C10orf90: variants seen among roughly 807,000 people sequenced by gnomAD.
C10orf90 encodes the protein (E2-independent) E3 ubiquitin-conjugating enzyme FATS.
C10orf90 carries 56 observed loss-of-function variants against 62.5 expected under a neutral mutation model. The ratio of observed to expected loss-of-function variants is 0.90; its 90% CI spans 0.72 to 1.12. C10orf90 has a LOEUF of 1.12. Ranked by LOEUF, C10orf90 falls within the 50% of genes most tolerant of loss-of-function variation. C10orf90 has a pLI of 0.00. For synonymous variants in C10orf90, 386 were observed against 340.4 expected (o/e 1.13, Z -1.47); for missense variants, 970 against 880.4 (o/e 1.10, Z -1.29).
At chr10:126,583,985 T>C (rs1430609781) in intron 2 of C10orf90, among the ~76,000 whole-genome samples, 1 of 152,000 alleles carries the variant, frequency 6.6e-6, no homozygotes, top group Non-Finnish European at 1.5e-5. Context: ...CAGGGCATGG[T>C]GACTCATGCC....
In C10orf90 at chr10:126,666,439, G is replaced by A. The variant is rs114133657; in HGVS notation, c.240+3802C>T. ...TGCAAAGAAGCATGACCCATAATCA[G>A]GAGGAAAATCAATCACTAGAAATGA... On this transcript the variant is annotated intron_variant, in intron 1 of 9. Coordinates refer to ENST00000488181, the MANE Select transcript of C10orf90 (RefSeq NM_001350921.2). 3.9e-3 allele frequency among the ~76,000 whole-genome samples: 597 copies of A among 152,196 alleles called. 3 individuals are homozygous for A. Among genetic ancestry groups the A allele is most frequent in the African/African-American group, 0.014 (567 of 41,518 alleles).
rs531106675 is a variant in C10orf90, at chr10:126,429,936, G to A, written c.2189-86C>T. On this transcript the variant is annotated intron_variant, in intron 7 of 9. Coordinates refer to ENST00000488181, the MANE Select transcript of C10orf90 (RefSeq NM_001350921.2). ...AAACATTGTGATTAGTTCATAATCC[G>A]TTAATTGATCCTTATTCTAAGCCAT... 2.0e-4 allele frequency: 229 copies of A among 1,166,178 alleles called. 2 individuals carry two copies. The highest frequency in any genetic ancestry group is 1.5e-3 in the South Asian group (117 of 78,088). 72.2% of individuals were successfully genotyped at this position (1,166,178 alleles called of 1,614,324 possible).
At chr10:126,437,597 C>T (rs1408798965) in intron 7 of C10orf90, among the ~76,000 whole-genome samples, 16 of 152,154 alleles carry the variant, frequency 1.1e-4, no homozygotes, top group Admixed American at 1.0e-3. Context: ...GTTAAATTTG[C>T]CTTTCAGATC....
At chr10:126,581,788 C>A (rs1292873162) in intron 2 of C10orf90, among the ~76,000 whole-genome samples, 1 of 152,160 alleles carries the variant, frequency 6.6e-6, no homozygotes, top group Non-Finnish European at 1.5e-5. Flanking sequence ...TGTTTCCCAG[C>A]AGACTTTGCT....
intron 4 of C10orf90, among the ~76,000 whole-genome samples, chr10:126,493,873 T>C (rs187017809): frequency 6.6e-6 from 1 of 152,318 alleles, no homozygotes; most frequent in East Asian, 1.9e-4. Flanking sequence ...GCGTAAATTC[T>C]CCCTGATGTC....
In C10orf90 at chr10:126,425,518, A is replaced by C. The variant is rs1036245373; in HGVS notation, c.*346T>G. The C allele has an allele frequency of 3.2e-6, 1 of 309,440 alleles. No individual in the cohort carries two copies. The highest frequency in any genetic ancestry group is 4.6e-5 in the Admixed American group (1 of 21,836). The allele number at this position is 309,440 out of a possible 1,614,324, so 19.2% of individuals were successfully genotyped here. ...TAAAAGATTCCCCAGGGATGTAAAC[A>C]AACTTGCTTGTATCAGGCCTCTCTG... On this transcript the variant is annotated 3_prime_UTR_variant, in exon 10 of 10. Coordinates refer to ENST00000488181, the MANE Select transcript of C10orf90 (RefSeq NM_001350921.2).
intron 4 of C10orf90, among the ~76,000 whole-genome samples, chr10:126,487,142 C>CAAAAAAAAAA (rs1158481155): frequency 1.4e-3 from 41 of 29,438 alleles, no homozygotes; most frequent in African/African-American, 2.6e-3. Flanking sequence ...AAAACTCTGT[C>CAAAAAAAAAA]AAAAAAAAAA....
chr10:126,663,054 G>A (rs1346501570), intron 1 of C10orf90, among the ~76,000 whole-genome samples: 1 of 152,174 alleles, frequency 6.6e-6, no homozygotes, highest in Non-Finnish European at 1.5e-5. Context: ...GCCAGCCCAG[G>A]TGTTTCCTCT....
intron 1 of C10orf90, among the ~76,000 whole-genome samples, chr10:126,654,539 C>T (rs949761167): frequency 6.6e-6 from 1 of 152,316 alleles, no homozygotes; most frequent in Non-Finnish European, 1.5e-5. Context: ...GATTGATCTG[C>T]TATCCAGACC....
intron 2 of C10orf90, among the ~76,000 whole-genome samples, chr10:126,633,071 G>C (rs555411043): frequency 1.3e-5 from 2 of 152,282 alleles, no homozygotes; most frequent in South Asian, 4.1e-4. Flanking sequence ...CTGACAAAAT[G>C]GCACTTCTGG....
At chr10:126,584,200 A>G (rs760010095) in intron 2 of C10orf90, among the ~76,000 whole-genome samples, 2 of 152,022 alleles carry the variant, frequency 1.3e-5, no homozygotes, top group African/African-American at 2.4e-5. Context: ...CTGCCTGTCA[A>G]TCTGTCCATC....
intron 1 of C10orf90, among the ~76,000 whole-genome samples, chr10:126,652,955 T>G (rs1474705419): frequency 6.6e-6 from 1 of 152,348 alleles, no homozygotes; most frequent in East Asian, 1.9e-4. Context: ...CACATGAATT[T>G]TTTGGCTTCC....
chr10:126,427,421 T>C (rs900250932), intron 8 of C10orf90, among the ~76,000 whole-genome samples: 2 of 152,180 alleles, frequency 1.3e-5, no homozygotes, highest in African/African-American at 4.8e-5. Flanking sequence ...GAAGGATGCC[T>C]GGATGGCTGA....
chr10:126,514,760 C>A (rs1210932851), intron 2 of C10orf90, among the ~76,000 whole-genome samples: 1 of 152,206 alleles, frequency 6.6e-6, no homozygotes, highest in Non-Finnish European at 1.5e-5. Flanking sequence ...CCCTCAGCAG[C>A]CACAGCACCG....
intron 2 of C10orf90, among the ~76,000 whole-genome samples, chr10:126,546,834 A>T (rs944727966): frequency 6.6e-6 from 1 of 152,218 alleles, no homozygotes; most frequent in African/African-American, 2.4e-5. Context: ...TTGAAAAATC[A>T]TTCATCACCA....
intron 3 of C10orf90, among the ~76,000 whole-genome samples, chr10:126,506,772 T>C (rs1438802685): frequency 6.6e-6 from 1 of 152,204 alleles, no homozygotes; most frequent in Non-Finnish European, 1.5e-5. Flanking sequence ...GGAAGCAGGG[T>C]ATTTGCTCAT....
chr10:126,530,038 A>C (rs187272911), intron 2 of C10orf90, among the ~76,000 whole-genome samples: 1 of 151,712 alleles, frequency 6.6e-6, no homozygotes, highest in African/African-American at 2.4e-5. Flanking sequence ...ACATTAAAAA[A>C]CCTCTTGTAC....
At chr10:126,611,161 A>C (rs989520302) in intron 2 of C10orf90, among the ~76,000 whole-genome samples, 4 of 151,986 alleles carry the variant, frequency 2.6e-5, no homozygotes, top group Non-Finnish European at 1.5e-5. Flanking sequence ...CCCCTCAGCC[A>C]CCTTACTGTA....
intron 2 of C10orf90, among the ~76,000 whole-genome samples, chr10:126,548,374 CT>C (rs982705819): frequency 7.3e-5 from 11 of 149,944 alleles, no homozygotes; most frequent in African/African-American, 7.3e-5. Flanking sequence ...AAGACCCCAT[CT>C]TTTTTTTTTA....
Sources: allele counts gnomAD v4.1 joint callset (sites outside exome capture counted in the v4.1 genomes callset), GRCh38; gene constraint gnomAD v4.1.1; transcripts MANE v1.5; gene names NCBI Gene and HGNC (gene_info 2026-07-23, HGNC 2026-07-21).